The following ARHGAP19 variants were observed in gnomAD, a reference collection of about 807,000 sequenced individuals.
ARHGAP19 encodes Rho GTPase activating protein 19, also known as rho GTPase-activating protein 19.
In ARHGAP19, 48 loss-of-function variants were observed where a neutral mutation model predicts 60.9. That is an observed-to-expected ratio of 0.79 (90% CI 0.62 to 1.00). The LOEUF (loss-of-function observed/expected upper bound fraction) is 1.00, where lower values mean the gene tolerates loss of function less well. Ranked by LOEUF, ARHGAP19 falls within the 50% of genes least tolerant of loss-of-function variation. The probability of loss-of-function intolerance (pLI) is 0.00; values close to 1 mark genes in which losing one functional copy is unlikely to be tolerated. For synonymous variants in ARHGAP19, 209 were observed against 215.5 expected (o/e 0.97, Z 0.27); for missense variants, 562 against 597.2 (o/e 0.94, Z 0.61).
rs186478991 is a variant in ARHGAP19, at chr10:97,262,865, C to T, written c.613+555G>A. On this transcript the variant is annotated intron_variant, in intron 4 of 11. Coordinates refer to ENST00000358531, the MANE Select transcript of ARHGAP19 (RefSeq NM_032900.6). ...GCACAGTGGCTCATGCCTATAATCC[C>T]AGCACTTCAGGAGGCCAAGGTGGGC... Among the ~76,000 whole-genome samples, 561 of 152,320 alleles carry T rather than the reference C, an allele frequency of 3.7e-3. 4 individuals carry two copies. Among genetic ancestry groups the T allele is most frequent in the African/African-American group, 0.013 (525 of 41,572 alleles).
intron 7 of ARHGAP19, among the ~76,000 whole-genome samples, 178 bp from the exon 8 acceptor site, chr10:97,244,337 T>C (rs932008892): frequency 2.0e-5 from 3 of 152,260 alleles, no homozygotes; most frequent in Non-Finnish European, 4.4e-5. Context: ...ATATAGGTTA[T>C]ATTAATAGCC....
chr10:97,232,090 A>G (rs141365954), intron 9 of ARHGAP19, among the ~76,000 whole-genome samples: 1 of 134,210 alleles, frequency 7.5e-6, no homozygotes, highest in Non-Finnish European at 1.6e-5. Flanking sequence ...ACATCTTTTC[A>G]TGTGTTTCTT....
intron 1 of ARHGAP19, among the ~76,000 whole-genome samples, chr10:97,271,656 A>G (rs894477168): frequency 3.9e-5 from 6 of 152,068 alleles, no homozygotes; most frequent in African/African-American, 1.4e-4. Flanking sequence ...TTCAGGTGGT[A>G]TATTTTTATT....
intron 1 of ARHGAP19, among the ~76,000 whole-genome samples, chr10:97,287,120 T>C (rs1843166460): frequency 6.6e-6 from 1 of 152,026 alleles, no homozygotes; most frequent in Non-Finnish European, 1.5e-5. Context: ...GCTATGTGTT[T>C]TTATTTTTTT....
At chr10:97,268,206 C>T (rs1380994377) in intron 1 of ARHGAP19, among the ~76,000 whole-genome samples, 2 of 152,168 alleles carry the variant, frequency 1.3e-5, no homozygotes, top group East Asian at 3.9e-4. Context: ...GCAAGGGTGA[C>T]CTTTATATAA....
intron 4 of ARHGAP19, 106 bp from the exon 5 acceptor site, chr10:97,259,734 A>G: frequency 3.8e-6 from 3 of 788,656 alleles, no homozygotes; most frequent in Non-Finnish European, 6.5e-6. Context: ...AAAGAGGGAA[A>G]AAAGATTCAG....
chr10:97,285,519 C>CAT (rs1843143439), intron 1 of ARHGAP19, among the ~76,000 whole-genome samples: 1 of 110,950 alleles, frequency 9.0e-6, no homozygotes, highest in South Asian at 3.1e-4. Flanking sequence ...TTTTTTTTTG[C>CAT]TTTTTTTTTT....
intron 11 of ARHGAP19, among the ~76,000 whole-genome samples, chr10:97,226,661 A>ACT (rs1850901966): frequency 6.6e-6 from 1 of 152,236 alleles, no homozygotes; most frequent in Non-Finnish European, 1.5e-5. Flanking sequence ...CCACAAATAC[A>ACT]CTAAGTCTGA....
rs1182101551 is a variant in ARHGAP19 at position 97,229,021 on chromosome 10, G to C, written c.1474+126C>G. ...TGAATGAACTCAAGGGCAAGGACCT[G>C]GCCTTGTAATTTTTATGTCACTTCT... On this transcript the variant is annotated intron_variant, in intron 11 of 11. Transcript: ENST00000358531. 3.3e-6 allele frequency: 3 copies of C among 904,098 alleles called. No homozygotes were observed. In the East Asian group the frequency reaches 7.7e-5, roughly 23 times the overall value. The allele number at this position is 904,098 out of a possible 1,614,324, so 56.0% of individuals were successfully genotyped here.
chr10:97,280,777 G>T (rs577642266), intron 1 of ARHGAP19, among the ~76,000 whole-genome samples: 1 of 151,956 alleles, frequency 6.6e-6, no homozygotes, highest in Non-Finnish European at 1.5e-5. Flanking sequence ...ACAGCCCAGG[G>T]TCTCACTATG....
chr10:97,290,608 T>C (rs1024697560), intron 1 of ARHGAP19, among the ~76,000 whole-genome samples: 3 of 152,064 alleles, frequency 2.0e-5, no homozygotes, highest in Non-Finnish European at 4.4e-5. Context: ...CTGGCCACCA[T>C]CTTGGGAGCT....
intron 6 of ARHGAP19, among the ~76,000 whole-genome samples, chr10:97,255,827 G>C (rs1212710596): frequency 6.6e-6 from 1 of 152,134 alleles, no homozygotes; most frequent in African/African-American, 2.4e-5. Context: ...ACCAAGGTAG[G>C]GAAAGATTTA....
chr10:97,232,303 A>G (rs1851038688), intron 9 of ARHGAP19, among the ~76,000 whole-genome samples: 1 of 151,712 alleles, frequency 6.6e-6, no homozygotes, highest in East Asian at 1.9e-4. Context: ...AGCTGGGACT[A>G]CAGGCACATG....
intron 6 of ARHGAP19, among the ~76,000 whole-genome samples, chr10:97,255,004 A>G (rs913965779): frequency 1.3e-5 from 2 of 152,192 alleles, no homozygotes; most frequent in African/African-American, 4.8e-5. Flanking sequence ...TACATGAGGT[A>G]CTCAGAGTAG....
intron 6 of ARHGAP19, among the ~76,000 whole-genome samples, chr10:97,249,711 A>G (rs1479483629): frequency 6.6e-6 from 1 of 152,036 alleles, no homozygotes; most frequent in Non-Finnish European, 1.5e-5. Flanking sequence ...CATTCTTAGG[A>G]CAGCTGGGGA....
chr10:97,257,283 T>C (rs1842767954), intron 5 of ARHGAP19, among the ~76,000 whole-genome samples: 1 of 2,146 alleles, frequency 4.7e-4, no homozygotes, highest in Non-Finnish European at 0.033. Flanking sequence ...TTTTAAATAC[T>C]TTTTTTTTTT....
intron 1 of ARHGAP19, among the ~76,000 whole-genome samples, chr10:97,273,704 G>T (rs948703838): frequency 6.6e-6 from 1 of 151,270 alleles, no homozygotes; most frequent in Non-Finnish European, 1.5e-5. Flanking sequence ...GAGCAGGTTG[G>T]TCTCGAACTC....
intron 11 of ARHGAP19, among the ~76,000 whole-genome samples, chr10:97,228,612 G>GA (rs1850943884): frequency 1.3e-5 from 2 of 152,120 alleles, no homozygotes; most frequent in Admixed American, 6.6e-5. Context: ...AGGCACAGCA[G>GA]GCTTTTACCA....
Position 97,227,439 on chromosome 10 carries a change from G to A in ARHGAP19, c.1475-1307C>T, listed in dbSNP as rs116747972. Among the ~76,000 whole-genome samples, 8 of 152,012 alleles carry A rather than the reference G, an allele frequency of 5.3e-5. No homozygotes were observed. The East Asian group carries it at 9.7e-4, about 18-fold the overall frequency. Reference sequence around the variant, plus strand: ...AGGCAGGAGAAGCAGGTGCAGAAACGAACAGAACTTAAGAGCAGAACTTAA... The same window carrying A: ...AGGCAGGAGAAGCAGGTGCAGAAACAAACAGAACTTAAGAGCAGAACTTAA... On this transcript the variant is annotated intron_variant, in intron 11 of 11. Coordinates refer to ENST00000358531, the MANE Select transcript of ARHGAP19 (RefSeq NM_032900.6).
Sources: allele counts gnomAD v4.1 joint callset (sites outside exome capture counted in the v4.1 genomes callset), GRCh38; gene constraint gnomAD v4.1.1; transcripts MANE v1.5; gene names NCBI Gene and HGNC (gene_info 2026-07-23, HGNC 2026-07-21).